CDKL5: variants seen among roughly 807,000 people sequenced by gnomAD.
CDKL5 encodes the protein cyclin dependent kinase like 5.
A neutral mutation model predicts 61.7 loss-of-function variants in CDKL5; 8 were observed. That is an observed-to-expected ratio of 0.13 (90% confidence interval 0.08 to 0.23). The LOEUF is 0.23. Ranked by LOEUF, CDKL5 falls within the 10% of genes least tolerant of loss-of-function variation. CDKL5 has a pLI of 1.00. For missense variants in CDKL5, 440 were observed against 734.5 expected, an observed-to-expected ratio of 0.60 and a Z score of 4.63; for synonymous variants, 275 against 272.3, an observed-to-expected ratio of 1.01 and a Z score of -0.10.
At chrX:18,582,745 A>G (rs1417815440) in intron 7 of CDKL5, among the ~76,000 whole-genome samples, 2 of 111,599 alleles carry the variant, frequency 1.8e-5, no homozygotes, top group Non-Finnish European at 3.8e-5. Context: ...AGATTAGTGC[A>G]TAGGAGATGA....
chrX:18,591,329 C>T (rs1384206561), intron 9 of CDKL5, among the ~76,000 whole-genome samples: 1 of 112,050 alleles, frequency 8.9e-6, no homozygotes, highest in Admixed American at 9.5e-5. Flanking sequence ...GCATTTAACA[C>T]AGTATCTACC....
intron 1 of CDKL5, among the ~76,000 whole-genome samples, chrX:18,438,651 G>A (rs757405025): frequency 6.3e-4 from 67 of 107,006 alleles, no homozygotes; most frequent in African/African-American, 2.1e-3. Flanking sequence ...TTAGCCGGGC[G>A]TGGTGGTGTG....
chrX:18,468,291 G>GA (rs1876707009), intron 1 of CDKL5, among the ~76,000 whole-genome samples: 4 of 112,452 alleles, frequency 3.6e-5, no homozygotes, highest in Non-Finnish European at 7.5e-5. Flanking sequence ...TGCGGATACT[G>GA]TAAGTACAAT....
intron 1 of CDKL5, among the ~76,000 whole-genome samples, chrX:18,475,538 C>T (rs1921276436): frequency 8.9e-6 from 1 of 112,094 alleles, no homozygotes; most frequent in Non-Finnish European, 1.9e-5. Context: ...CTCAAGCCAT[C>T]CTCCTGCCTC....
Position 18,619,957 on chromosome X carries a change from A to C in CDKL5, c.2367A>C (p.Lys789Asn). 1 of 1,146,040 alleles carries C rather than the reference A, an allele frequency of 8.7e-7. No individual in the cohort carries two copies. The highest frequency in any genetic ancestry group is 1.2e-6 in the Non-Finnish European group (1 of 837,152). The allele number at this position is 1,146,040 out of a possible 1,213,427, so 94.4% of individuals were successfully genotyped here. A position where few individuals can be genotyped will look rare whatever the true frequency, so the allele number is the denominator to read the frequency against. The change falls in exon 16 of 18, where the codon AAA becomes AAC. Residue 789 changes from lysine to asparagine, a missense_variant. Physicochemically the swap from Lys to Asn is moderately conservative, Grantham distance 94 (BLOSUM62 0). Around this residue, in one of 2 missense-constraint regions of CDKL5, gnomAD observed 363 missense variants for 516.3 expected, o/e 0.70. Coordinates refer to ENST00000623535, the MANE Select transcript of CDKL5 (RefSeq NM_001323289.2). ...GGTCAATGAAAAAGAAAAAGAAGAA[A>C]TCTCAAACAGTAAGTAGATGACCAG... ...FFRSMKKKKKKSQTVPNSDSP... is the reference protein window; with the variant it reads ...FFRSMKKKKKNSQTVPNSDSP...
chrX:18,594,554 C>A (rs1925928680), intron 9 of CDKL5, among the ~76,000 whole-genome samples: 1 of 112,021 alleles, frequency 8.9e-6, no homozygotes, highest in Non-Finnish European at 1.9e-5. Flanking sequence ...TACTTTCTCT[C>A]TATTTTTACT....
chrX:18,446,962 T>C (rs1931893901), intron 1 of CDKL5, among the ~76,000 whole-genome samples: 1 of 111,944 alleles, frequency 8.9e-6, no homozygotes, highest in Non-Finnish European at 1.9e-5. Context: ...CCAGGAGCCT[T>C]AGGCTTCACT....
chrX:18,518,825 C>T (rs753167706), intron 3 of CDKL5, among the ~76,000 whole-genome samples: 10 of 109,018 alleles, frequency 9.2e-5, no homozygotes, highest in Admixed American at 4.9e-4. Context: ...TAAATTTCTC[C>T]ATTGAAGCCT....
intron 14 of CDKL5, 108 bp downstream of exon 14, chrX:18,609,678 G>A (rs748299970): frequency 2.7e-6 from 3 of 1,123,732 alleles, no homozygotes; most frequent in Admixed American, 2.8e-5. Context: ...CTACACTGTC[G>A]CCTTCCAGCG....
At chrX:18,647,738 C>T (rs1927844952) in intron 20 of CDKL5, 1 of 175,656 alleles carries the variant, frequency 5.7e-6, no homozygotes, top group Non-Finnish European at 1.1e-5. Flanking sequence ...TTTAGCCATC[C>T]TGCCTCATGA....
intron 9 of CDKL5, among the ~76,000 whole-genome samples, chrX:18,595,036 G>A (rs1018833041): frequency 1.9e-4 from 21 of 111,588 alleles, no homozygotes; most frequent in African/African-American, 4.9e-4. Context: ...CAAAAAATTA[G>A]CCAGGCGTGG....
At chrX:18,442,501 T>C (rs1931770261) in intron 1 of CDKL5, 1 of 110,111 alleles carries the variant, frequency 9.1e-6, no homozygotes. Context: ...TGTTTTGTTT[T>C]GTTTTGTTTT....
At chrX:18,478,313 G>T in intron 1 of CDKL5, among the ~76,000 whole-genome samples, 1 of 83,689 alleles carries the variant, frequency 1.2e-5, no homozygotes, top group East Asian at 4.1e-4. Context: ...TTGAGATGGA[G>T]TCTCACTCAC....
At chrX:18,461,760 G>A (rs1932292539) in intron 1 of CDKL5, among the ~76,000 whole-genome samples, 1 of 112,210 alleles carries the variant, frequency 8.9e-6, no homozygotes, top group South Asian at 3.6e-4. Flanking sequence ...TATTTGCAAG[G>A]TTCTGTGCTA....
chrX:18,628,337 T>G (rs1927131958), intron 17 of CDKL5, 34 bp from the exon 18 acceptor site: 1 of 1,198,841 alleles, frequency 8.3e-7, no homozygotes, highest in Admixed American at 2.2e-5. Context: ...CGCTCTAACT[T>G]GAATCCTGTG....
At position 18,583,355 on chromosome X, in the gene CDKL5, C is replaced by T. The variant is rs186614428; in HGVS notation, c.464-908C>T. The stretch of plus-strand genomic sequence containing the variant: ...GCTTCCCCTCCCAGAGTACGCACTC[C>T]TTGGTCTGACTTGAAGAACCCCATT... On this transcript the variant is annotated intron_variant, in intron 7 of 17. Coordinates refer to ENST00000623535, the MANE Select transcript of CDKL5 (RefSeq NM_001323289.2). Among the ~76,000 whole-genome samples the T allele has an allele frequency of 6.0e-3, 669 of 111,274 alleles. 1 individual carries two copies. The highest frequency in any genetic ancestry group is 8.9e-3 in the Non-Finnish European group (471 of 53,021).
chrX:18,527,859 G>A (rs1298234593), intron 3 of CDKL5, among the ~76,000 whole-genome samples: 5 of 111,572 alleles, frequency 4.5e-5, no homozygotes, highest in African/African-American at 1.3e-4. Context: ...TTTTCTCTAA[G>A]TGCTGCTTTC....
In CDKL5 at chrX:18,625,238, G is replaced by A. The variant is rs1467875005; in HGVS notation, c.2487G>A (p.Leu829=). 2.5e-6 allele frequency: 3 copies of A among 1,208,618 alleles called. No homozygotes were observed. The Admixed American group carries it at 6.5e-5, about 26-fold the overall frequency. The change falls in exon 17 of 18, where the codon CTG becomes CTA. Residue 829 remains leucine, a synonymous_variant. Transcript: ENST00000623535. ...KEWRPEKISD[L]QTQSQPLKSL... ...GGCGCCCCGAGAAGATCTCAGATCT[G>A]CAGACCCAAGTGAGTGGATCCTGCA...
intron 3 of CDKL5, among the ~76,000 whole-genome samples, chrX:18,540,650 T>TTTTTC (rs754814054): frequency 3.5e-4 from 39 of 110,999 alleles, no homozygotes; most frequent in East Asian, 5.6e-4. Context: ...TTTCTTTTCT[T>TTTTTC]TTTTCTTTTC....
Sources: allele counts gnomAD v4.1 joint callset (sites outside exome capture counted in the v4.1 genomes callset), GRCh38; gene constraint gnomAD v4.1.1; regional missense constraint gnomAD v4.1.1; transcripts MANE v1.5; gene names NCBI Gene and HGNC (gene_info 2026-07-23, HGNC 2026-07-21).